The following HECW2 variants were observed in gnomAD, a reference collection of about 807,000 sequenced individuals.
The protein encoded by HECW2 is HECT, C2 and WW domain containing E3 ubiquitin protein ligase 2, also known as E3 ubiquitin-protein ligase HECW2.
Under a neutral mutation model 175.2 loss-of-function variants are expected in HECW2, and 61 were observed. The observed-to-expected ratio is 0.35, with a 90% CI of 0.28 to 0.43. The LOEUF (loss-of-function observed/expected upper bound fraction) is 0.43, where lower values mean the gene tolerates loss of function less well. Ranked by LOEUF, HECW2 falls within the 20% of genes least tolerant of loss-of-function variation. The pLI is 1.00. For synonymous variants in HECW2, 671 were observed against 731.0 expected (o/e 0.92, Z 1.32); for missense variants, 1,524 against 2,000.5 (o/e 0.76, Z 4.54).
chr2:196,353,221 T>C (rs1208313152), intron 2 of HECW2, among the ~76,000 whole-genome samples: 2 of 152,214 alleles, frequency 1.3e-5, no homozygotes, highest in Non-Finnish European at 2.9e-5. Context: ...TTCCCCGAGA[T>C]ACTGTTATGG....
At chr2:196,437,832 A>T (rs1359681387) in intron 1 of HECW2, among the ~76,000 whole-genome samples, 1 of 151,964 alleles carries the variant, frequency 6.6e-6, no homozygotes, top group Non-Finnish European at 1.5e-5. Context: ...GGAAGGAGAG[A>T]CTCCAAGGAC....
chr2:196,436,498 C>T (rs1375613090), intron 1 of HECW2, among the ~76,000 whole-genome samples: 1 of 151,468 alleles, frequency 6.6e-6, no homozygotes, highest in Non-Finnish European at 1.5e-5. Flanking sequence ...AAGTGAAAAG[C>T]ATTAAGGATA....
intron 13 of HECW2, among the ~76,000 whole-genome samples, 181 bp from the exon 14 acceptor site, chr2:196,292,931 A>T (rs1469385117): frequency 6.6e-6 from 1 of 152,230 alleles, no homozygotes; most frequent in Non-Finnish European, 1.5e-5. Context: ...AACAAAATGA[A>T]ACATAAAGAC....
chr2:196,431,407 T>C (rs1237585613), intron 2 of HECW2, among the ~76,000 whole-genome samples: 1 of 152,184 alleles, frequency 6.6e-6, no homozygotes, highest in Admixed American at 6.5e-5. Context: ...AGTTTAAAGA[T>C]TAAGTTATTC....
At chr2:196,376,824 C>T (rs1694064800) in intron 2 of HECW2, among the ~76,000 whole-genome samples, 1 of 151,800 alleles carries the variant, frequency 6.6e-6, no homozygotes. Flanking sequence ...ATCCCAGCTA[C>T]TCAAGAGGCT....
At chr2:196,402,775 A>G (rs1272253823) in intron 2 of HECW2, among the ~76,000 whole-genome samples, 1 of 151,482 alleles carries the variant, frequency 6.6e-6, no homozygotes, top group Non-Finnish European at 1.5e-5. Context: ...AAAGTAATCA[A>G]TTAACAAACA....
intron 1 of HECW2, among the ~76,000 whole-genome samples, chr2:196,488,629 T>TACACACACAC (rs139434140): frequency 6.8e-6 from 1 of 147,082 alleles, no homozygotes; most frequent in Non-Finnish European, 1.5e-5. Flanking sequence ...GAAGAATGAA[T>TACACACACAC]ACACACACAC....
intron 2 of HECW2, among the ~76,000 whole-genome samples, chr2:196,394,489 G>A (rs1694605647): frequency 6.6e-6 from 1 of 152,108 alleles, no homozygotes; most frequent in Non-Finnish European, 1.5e-5. Context: ...TGAAATTGGA[G>A]CTGGTGTAAT....
At chr2:196,455,031 T>A (rs1042323623) in intron 1 of HECW2, among the ~76,000 whole-genome samples, 1 of 151,110 alleles carries the variant, frequency 6.6e-6, no homozygotes, top group East Asian at 1.9e-4. Context: ...CAGACCCTTT[T>A]ACTTAATTTT....
At chr2:196,378,549 A>T (rs1694114182) in intron 2 of HECW2, among the ~76,000 whole-genome samples, 1 of 152,248 alleles carries the variant, frequency 6.6e-6, no homozygotes, top group Non-Finnish European at 1.5e-5. Context: ...CCCCTAAATA[A>T]AATAAAAGTA....
intron 1 of HECW2, among the ~76,000 whole-genome samples, chr2:196,540,755 T>C (rs1689182056): frequency 1.3e-5 from 2 of 152,202 alleles, no homozygotes. Context: ...AAATTTCAAA[T>C]GTCATCTTCT....
At chr2:196,452,794 TAAAA>T (rs201131840) in intron 1 of HECW2, among the ~76,000 whole-genome samples, 1 of 105,690 alleles carries the variant, frequency 9.5e-6, no homozygotes, top group African/African-American at 3.4e-5. Flanking sequence ...CCCAAAGCAC[TAAAA>T]AAAAAAAAAA....
intron 17 of HECW2, among the ~76,000 whole-genome samples, chr2:196,259,769 GATGTAA>G (rs1433915424): frequency 1.3e-5 from 2 of 152,192 alleles, no homozygotes; most frequent in Non-Finnish European, 2.9e-5. Flanking sequence ...TCTGATAAGA[GATGTAA>G]ATGTTGGCTG....
Position 196,257,179 on chromosome 2 carries a change from G to T in HECW2, c.3419+644C>A, listed in dbSNP as rs76741790. 4.0e-4 allele frequency among the ~76,000 whole-genome samples: 61 copies of T among 152,024 alleles called. 1 individual carries two copies. The East Asian group carries it at 0.011, about 27-fold the overall frequency. ...TTACTATGGCTTGCCTACATTTGAG[G>T]GATAATAAAAAAATGAGAAAGTCTT... On this transcript the variant is annotated intron_variant, in intron 18 of 28. Transcript: ENST00000644978.
chr2:196,261,769 TA>T (rs1163030447), intron 17 of HECW2, among the ~76,000 whole-genome samples: 2 of 152,242 alleles, frequency 1.3e-5, no homozygotes, highest in African/African-American at 4.8e-5. Flanking sequence ...GCTGTAAGCA[TA>T]AGAGGTTTAT....
chr2:196,404,774 T>A lies in HECW2; in HGVS notation c.292+28358A>T, dbSNP rs1694913111. Among the ~76,000 whole-genome samples the A allele has an allele frequency of 2.6e-5, 4 of 151,842 alleles. No homozygotes were observed. The South Asian group carries it at 8.3e-4, about 32-fold the overall frequency. On this transcript the variant is annotated intron_variant, in intron 2 of 28. Transcript: ENST00000644978. ...TGCCAGATTCCCTGATCCATTCTTA[T>A]AATCATCCTGTTGGTAATATTTCTT...
intron 7 of HECW2, among the ~76,000 whole-genome samples, chr2:196,321,848 T>A (rs560503694): frequency 2.3e-4 from 35 of 152,364 alleles, no homozygotes; most frequent in African/African-American, 8.2e-4. Flanking sequence ...TAGTCAGCTA[T>A]GCATTATTAA....
chr2:196,312,356 T>A (rs16849417), intron 10 of HECW2, among the ~76,000 whole-genome samples: 5,118 of 152,304 alleles, frequency 0.034, 199 homozygotes, highest in African/African-American at 0.098. Flanking sequence ...AAAACTATAA[T>A]AACCACAGGT....
intron 2 of HECW2, among the ~76,000 whole-genome samples, chr2:196,347,177 C>T (rs1692987913): frequency 6.7e-6 from 1 of 148,324 alleles, no homozygotes; most frequent in Non-Finnish European, 1.5e-5. Context: ...CTCAGCCTCC[C>T]GAGTAGCTGG....
Sources: allele counts gnomAD v4.1 joint callset (sites outside exome capture counted in the v4.1 genomes callset), GRCh38; gene constraint gnomAD v4.1.1; transcripts MANE v1.5; gene names NCBI Gene and HGNC (gene_info 2026-07-23, HGNC 2026-07-21).